The following TMEM67 variants were observed in gnomAD, a reference collection of about 807,000 sequenced individuals.
TMEM67 encodes the protein transmembrane protein 67, also known as meckelin.
In TMEM67, 124 loss-of-function variants were observed where a neutral mutation model predicts 136.6. The ratio of observed to expected loss-of-function variants is 0.91; its 90% CI spans 0.78 to 1.05. The LOEUF is 1.05. TMEM67 is among the 50% of genes least tolerant of loss of function. The pLI, the probability that TMEM67 is intolerant of heterozygous loss-of-function variation, is 0.00. For missense variants in TMEM67, 1,107 were observed against 1,178.4 expected (o/e 0.94, Z 0.89); for synonymous variants, 364 against 390.5 (o/e 0.93, Z 0.80).
intron 14 of TMEM67, among the ~76,000 whole-genome samples, chr8:93,789,318 C>T (rs762263704): frequency 1.3e-5 from 2 of 152,038 alleles, no homozygotes; most frequent in Non-Finnish European, 2.9e-5. Flanking sequence ...AATTAGTTTC[C>T]GTTGACTGAG....
At position 93,795,475 on chromosome 8, in the gene TMEM67, G is replaced by A; in HGVS notation, c.1741G>A (p.Gly581Arg). The A allele has an allele frequency of 1.2e-6, 2 of 1,613,920 alleles. No homozygotes were observed. Among genetic ancestry groups the A allele is most frequent in the South Asian group, 1.1e-5 (1 of 91,074 alleles). ...CAATGTTTTCTTTATCATCACAGTGGGAACAGGTCTTTACTGGCTTATTTT... is the reference window on the plus strand; with the variant it reads ...CAATGTTTTCTTTATCATCACAGTGAGAACAGGTCTTTACTGGCTTATTTT... ...LANVFFIITV[G>R]TGLYWLIFFK... is the part of the protein sequence containing the mutation. Residue 581 changes from glycine (G) to arginine (R), a missense_variant, in exon 17 of 28, where the codon GGA becomes AGA. Physicochemically the swap from Gly to Arg is moderately radical, Grantham distance 125. Transcript: ENST00000453321.
chr8:93,793,860 C>T (rs1227456744), intron 16 of TMEM67, among the ~76,000 whole-genome samples: 1 of 151,888 alleles, frequency 6.6e-6, no homozygotes, highest in Non-Finnish European at 1.5e-5. Context: ...CAGAAACTTT[C>T]AGGTTTGTTT....
In TMEM67 at chr8:93,792,896, C is replaced by G. The variant is rs751579753; in HGVS notation, c.1576-302C>G. ...CATGCCATTCTCCTGCCTCAGCCTCCCCAGTAGCTGGGACTACAGGCACCC... is the reference window on the plus strand; with the variant it reads ...CATGCCATTCTCCTGCCTCAGCCTCGCCAGTAGCTGGGACTACAGGCACCC... On this transcript the variant is annotated intron_variant, in intron 15 of 27. Transcript: ENST00000453321. 3.1e-4 allele frequency among the ~76,000 whole-genome samples: 47 copies of G among 151,970 alleles called. No individual in the cohort carries two copies. In the Middle Eastern group the frequency reaches 0.01, roughly 33 times the overall value.
chr8:93,809,137 A>C lies in TMEM67; in HGVS notation c.2637A>C (p.Lys879Asn). The change falls in exon 25 of 28, where the codon AAA becomes AAC. Residue 879 changes from lysine to asparagine, a missense_variant. Lys to Asn is a moderately conservative substitution (Grantham distance 94, BLOSUM62 0). This residue lies in a region of TMEM67 where 925 missense variants were observed against 1,002.4 expected (regional missense o/e 0.92). Coordinates refer to ENST00000453321, the MANE Select transcript of TMEM67 (RefSeq NM_153704.6). ...TAAAAGCATATCATATGATGAATAA[A>C]TTTCTTGGCTCCTTCATTGACCATG... ...QSIKAYHMMN[K>N]FLGSFIDHVH... 1 of 1,601,390 alleles carries C rather than the reference A, an allele frequency of 6.2e-7. No homozygotes were observed. The highest frequency in any genetic ancestry group is 8.6e-7 in the Non-Finnish European group (1 of 1,169,190).
intron 23 of TMEM67, among the ~76,000 whole-genome samples, chr8:93,808,254 A>G (rs955720221): frequency 2.1e-4 from 31 of 145,384 alleles, no homozygotes; most frequent in Admixed American, 4.9e-4. Flanking sequence ...ATATAAATAT[A>G]TGTGATAAAT....
chr8:93,804,876 G>A lies in TMEM67; in HGVS notation c.2437G>A (p.Ala813Thr), dbSNP rs1815063099. 1.3e-6 allele frequency: 2 copies of A among 1,522,116 alleles called. No individual in the cohort carries two copies. Among genetic ancestry groups the A allele is most frequent in the Non-Finnish European group, 1.8e-6 (2 of 1,096,348 alleles). The allele number at this position is 1,522,116 out of a possible 1,614,324, so 94.3% of individuals were successfully genotyped here. The change falls in exon 23 of 28, where the codon GCG becomes ACG. Residue 813 changes from alanine to threonine, a missense_variant and splice_region_variant. Physicochemically the swap from Ala to Thr is moderately conservative, Grantham distance 58. Transcript: ENST00000453321. ...AATGAATATGAACCTTAAAAGAGAAGCGGTATGAAAATGTTTTACATCTTT... is the reference window on the plus strand; with the variant it reads ...AATGAATATGAACCTTAAAAGAGAAACGGTATGAAAATGTTTTACATCTTT... ...EEMNMNLKRE[A>T]ENLCSQRGLV...
At chr8:93,765,718 C>T in intron 6 of TMEM67, 72 bp downstream of exon 6, 1 of 989,184 alleles carries the variant, frequency 1.0e-6, no homozygotes. Flanking sequence ...TAATTTCAGG[C>T]TAGAATGAGA....
At chr8:93,761,458 C>T (rs901186041) in intron 3 of TMEM67, among the ~76,000 whole-genome samples, 1 of 152,124 alleles carries the variant, frequency 6.6e-6, no homozygotes, top group African/African-American at 2.4e-5. Context: ...ATTATCTTTG[C>T]CTGGAAAGCT....
intron 7 of TMEM67, among the ~76,000 whole-genome samples, chr8:93,773,537 A>C (rs1049326804): frequency 6.6e-6 from 1 of 152,190 alleles, no homozygotes; most frequent in Non-Finnish European, 1.5e-5. Flanking sequence ...AAATGAGAGA[A>C]GCATTTACCT....
the TMEM67 span, among the ~76,000 whole-genome samples, chr8:93,826,123 CT>C: frequency 0.011 from 585 of 52,364 alleles, 1 homozygote; most frequent in African/African-American, 0.04. Flanking sequence ...TTAATCATGT[CT>C]TTTTTTTTTT....
downstream of TMEM67, among the ~76,000 whole-genome samples, chr8:93,823,479 T>C (rs1426557972): frequency 6.6e-6 from 1 of 151,880 alleles, no homozygotes; most frequent in Non-Finnish European, 1.5e-5. Context: ...TATCTATCTG[T>C]AGGGTACAAG....
intron 20 of TMEM67, among the ~76,000 whole-genome samples, chr8:93,798,314 C>A (rs1294430633): frequency 2.0e-5 from 3 of 152,148 alleles, no homozygotes; most frequent in Non-Finnish European, 4.4e-5. Context: ...TGAGGTAACT[C>A]CAGGTATCTA....
intron 20 of TMEM67, among the ~76,000 whole-genome samples, chr8:93,799,176 C>A (rs1255406634): frequency 6.6e-6 from 1 of 151,920 alleles, no homozygotes; most frequent in African/African-American, 2.4e-5. Flanking sequence ...AACATAGATT[C>A]TTTTTTCAAG....
At chr8:93,803,427 C>A (rs1171834702) in intron 21 of TMEM67, among the ~76,000 whole-genome samples, 177 bp from the exon 22 acceptor site, 1 of 152,190 alleles carries the variant, frequency 6.6e-6, no homozygotes, top group South Asian at 2.1e-4. Context: ...ATTCTAAAAT[C>A]CTCCTCCCTT....
At chr8:93,783,893 G>A (rs577475072) in intron 11 of TMEM67, among the ~76,000 whole-genome samples, 2 of 152,130 alleles carry the variant, frequency 1.3e-5, no homozygotes, top group Non-Finnish European at 1.5e-5. Context: ...ACCTCCCTCC[G>A]GGTCCTTCCC....
intron 18 of TMEM67, among the ~76,000 whole-genome samples, chr8:93,796,239 A>G (rs1300669058): frequency 6.6e-6 from 1 of 152,236 alleles, no homozygotes; most frequent in Non-Finnish European, 1.5e-5. Flanking sequence ...ATTTCAGTAT[A>G]TAACTTTCTT....
At chr8:93,795,306 G>A in intron 16 of TMEM67, 103 bp from the exon 17 acceptor site, 1 of 961,794 alleles carries the variant, frequency 1.0e-6, no homozygotes, top group Non-Finnish European at 1.7e-6. Context: ...CAAGGCTTCA[G>A]GCTTAAGAAA....
At chr8:93,786,741 C>T (rs926333314) in intron 13 of TMEM67, among the ~76,000 whole-genome samples, 9 of 152,150 alleles carry the variant, frequency 5.9e-5, no homozygotes, top group African/African-American at 2.2e-4. Context: ...TAATTTTCAA[C>T]ACCTCCCTCT....
chr8:93,791,287 A>G lies in TMEM67; in HGVS notation c.1543A>G (p.Met515Val). Reference protein sequence around the residue: ...VKVSFSVTYEMDHGEAHVQTD... With the variant: ...VKVSFSVTYEVDHGEAHVQTD... ...GGTTTCTTTCTCAGTCACATATGAA[A>G]TGGATCATGGAGAAGCACATGTCCA... Residue 515 changes from methionine (M) to valine (V), a missense_variant, in exon 15 of 28, where the codon ATG becomes GTG. Met to Val is a conservative substitution (Grantham distance 21, BLOSUM62 1). Around this residue, in one of 3 missense-constraint regions of TMEM67, gnomAD observed 925 missense variants for 1,002.4 expected, o/e 0.92. Transcript: ENST00000453321. 6.2e-7 allele frequency: 1 copy of G among 1,607,094 alleles called. No homozygotes were observed. The highest frequency in any genetic ancestry group is 8.5e-7 in the Non-Finnish European group (1 of 1,174,112).
Sources: gnomAD v4.1 joint callset for allele counts (sites outside exome capture counted in the v4.1 genomes callset) on GRCh38, gnomAD v4.1.1 for gene constraint, gnomAD v4.1.1 regional missense constraint, MANE v1.5 for transcripts, NCBI Gene and HGNC (gene_info 2026-07-23, HGNC 2026-07-21) for gene names.